The following MGA variants were observed in gnomAD, a reference collection of about 807,000 sequenced individuals.
MGA encodes the protein MAX gene-associated protein.
Under a neutral mutation model 261.1 loss-of-function variants are expected in MGA, and 40 were observed. That is an observed-to-expected ratio of 0.15 (90% CI 0.12 to 0.20). The LOEUF (loss-of-function observed/expected upper bound fraction) is 0.20, where lower values mean the gene tolerates loss of function less well. Ranked by LOEUF, MGA falls within the 10% of genes least tolerant of loss-of-function variation. The pLI is 1.00. For missense variants in MGA, 3,397 were observed against 3,630.5 expected, an observed-to-expected ratio of 0.94 and a Z score of 1.65; for synonymous variants, 1,302 against 1,290.6, an observed-to-expected ratio of 1.01 and a Z score of -0.19.
chr15:41,715,064 C>G, intron 9 of MGA, among the ~76,000 whole-genome samples: 1 of 150,672 alleles, frequency 6.6e-6, no homozygotes, highest in South Asian at 2.1e-4. Flanking sequence ...TTCCCTCCCC[C>G]ACTGCCCACC....
chr15:41,677,001 AT>A (rs1682611320), intron 2 of MGA, among the ~76,000 whole-genome samples: 1 of 152,166 alleles, frequency 6.6e-6, no homozygotes, highest in Non-Finnish European at 1.5e-5. Flanking sequence ...TACGGGGATT[AT>A]GTTCCCTCTT....
At chr15:41,739,126 T>C (rs2061951217) in intron 13 of MGA, among the ~76,000 whole-genome samples, 1 of 151,876 alleles carries the variant, frequency 6.6e-6, no homozygotes. Flanking sequence ...GTTTTCTTTC[T>C]TTAAAAAAAA....
chr15:41,737,364 A>G lies in MGA; in HGVS notation c.4434+666A>G, dbSNP rs933705019. 2.6e-5 allele frequency among the ~76,000 whole-genome samples: 4 copies of G among 151,124 alleles called. No individual in the cohort carries two copies. The East Asian group carries it at 7.8e-4, about 30-fold the overall frequency. On this transcript the variant is annotated intron_variant, in intron 13 of 23. Transcript: ENST00000219905. ...GAGACGGGGTTTCGCCATGTTGTCCAGGCTGGTCTCGAACTTCTGAGCTCA... is the reference window on the plus strand; with the variant it reads ...GAGACGGGGTTTCGCCATGTTGTCCGGGCTGGTCTCGAACTTCTGAGCTCA...
chr15:41,686,270 T>C (rs1354476846), intron 2 of MGA, among the ~76,000 whole-genome samples: 2 of 152,122 alleles, frequency 1.3e-5, no homozygotes, highest in Non-Finnish European at 2.9e-5. Context: ...TCCAGCACTT[T>C]GGGAGGCCGA....
intron 15 of MGA, among the ~76,000 whole-genome samples, chr15:41,745,281 TAAAAA>T (rs71108126): frequency 2.1e-4 from 7 of 33,238 alleles, no homozygotes; most frequent in Admixed American, 1.2e-3. Flanking sequence ...GAATGATCAA[TAAAAA>T]AAAAAAAAAA....
rs551581836 is a variant in MGA at position 41,675,587 on chromosome 15, A to C, written c.1064+5629A>C. Among the ~76,000 whole-genome samples the C allele has an allele frequency of 5.3e-5, 8 of 152,254 alleles. No individual in the cohort carries two copies. In the South Asian group the frequency reaches 1.7e-3, roughly 32 times the overall value. On this transcript the variant is annotated intron_variant, in intron 2 of 23. Transcript: ENST00000219905. ...GAAATGGGATCTTGCTATGTTGGCCAGGCTCGTCTCAAACTCCTGGCTACA... is the reference window on the plus strand; with the variant it reads ...GAAATGGGATCTTGCTATGTTGGCCCGGCTCGTCTCAAACTCCTGGCTACA...
chr15:41,658,747 A>T (rs1326966903), upstream of MGA, among the ~76,000 whole-genome samples: 1 of 149,930 alleles, frequency 6.7e-6, no homozygotes, highest in Non-Finnish European at 1.5e-5. Context: ...GTATTTAGTT[A>T]TATGTTTGCC....
intron 1 of MGA, chr15:41,621,478 A>G (rs1405111731): frequency 6.6e-6 from 1 of 152,180 alleles, no homozygotes; most frequent in Non-Finnish European, 1.5e-5. Context: ...GCTTGCGACC[A>G]GCACGTGACC....
chr15:41,705,924 C>T (rs1192317896), intron 5 of MGA, among the ~76,000 whole-genome samples: 1 of 152,176 alleles, frequency 6.6e-6, no homozygotes, highest in Non-Finnish European at 1.5e-5. Flanking sequence ...TTTAATCATA[C>T]TGTGTGATTA....
At chr15:41,684,341 CAAA>C in intron 2 of MGA, 2 of 442,690 alleles carry the variant, frequency 4.5e-6, no homozygotes, top group Non-Finnish European at 9.0e-6. Context: ...ATAATGCCAA[CAAA>C]AAAAATCCTT....
intron 2 of MGA, among the ~76,000 whole-genome samples, chr15:41,677,184 C>G (rs1324315335): frequency 6.6e-6 from 1 of 152,212 alleles, no homozygotes; most frequent in African/African-American, 2.4e-5. Flanking sequence ...CTGTCGCCCC[C>G]AGGCAGGATT....
In MGA at chr15:41,736,476, C is replaced by T; in HGVS notation, c.4212C>T (p.Asp1404=). 6.2e-7 allele frequency: 1 copy of T among 1,614,000 alleles called. No homozygotes were observed. The highest frequency in any genetic ancestry group is 8.5e-7 in the Non-Finnish European group (1 of 1,179,876). ...AAATCTCTATGCCATCATGTCAAGA[C>T]CAAGATGATATGGCTGAGAAATCTG... Residue 1404 remains aspartate (D), a synonymous_variant, in exon 13 of 24, where the codon GAC becomes GAT. Transcript: ENST00000219905.
intron 11 of MGA, 94 bp downstream of exon 11, chr15:41,729,443 A>G (rs892187573): frequency 8.2e-7 from 1 of 1,212,790 alleles, no homozygotes; most frequent in Non-Finnish European, 1.1e-6. Flanking sequence ...ATTATCCTAC[A>G]GGGCAGAGAA....
At chr15:41,754,687 T>A in intron 18 of MGA, 120 bp downstream of exon 18, 3 of 1,201,728 alleles carry the variant, frequency 2.5e-6, no homozygotes, top group Non-Finnish European at 3.4e-6. Context: ...TAGCTTTTTT[T>A]CTGATTAGTA....
rs34069193 is a variant in MGA at position 41,762,461 on chromosome 15, G to GTTTTTTTTTTTT, written c.7744+118_7744+129dup. 1.0e-3 allele frequency: 143 copies of GTTTTTTTTTTTT among 138,400 alleles called. 15 individuals are homozygous for GTTTTTTTTTTTT. Among genetic ancestry groups the GTTTTTTTTTTTT allele is most frequent in the African/African-American group, 3.0e-3 (47 of 15,428 alleles). 8.6% of individuals were successfully genotyped at this position (138,400 alleles called of 1,614,324 possible). A position where few individuals can be genotyped will look rare whatever the true frequency, so the allele number is the denominator to read the frequency against. On this transcript the variant is annotated intron_variant, in intron 22 of 23. Coordinates refer to ENST00000219905, the MANE Select transcript of MGA (RefSeq NM_001164273.2). ...TTGTCCACATTTTTAGTTTTGTGTG[G>GTTTTTTTTTTTT]TTTTTTTTTTTTTTTTTTTTTTTTT...
chr15:41,638,848 G>A (rs946013016), intron 1 of MGA, among the ~76,000 whole-genome samples: 3 of 151,808 alleles, frequency 2.0e-5, no homozygotes, highest in African/African-American at 4.8e-5. Flanking sequence ...GTGCCACCAT[G>A]CCTGCGCCAC....
intron 18 of MGA, 22 bp downstream of exon 18, chr15:41,754,589 A>G: frequency 1.3e-6 from 2 of 1,533,020 alleles, no homozygotes; most frequent in Non-Finnish European, 1.8e-6. Context: ...TTCTCTTTGG[A>G]TTGTTGTTTT....
At chr15:41,756,529 T>C (rs2063157869) in intron 18 of MGA, among the ~76,000 whole-genome samples, 1 of 152,110 alleles carries the variant, frequency 6.6e-6, no homozygotes, top group Non-Finnish European at 1.5e-5. Flanking sequence ...TTTCCTCTGC[T>C]CCTATGCCCC....
intron 2 of MGA, among the ~76,000 whole-genome samples, chr15:41,672,597 C>T (rs1456558368): frequency 6.6e-6 from 1 of 152,142 alleles, no homozygotes; most frequent in South Asian, 2.1e-4. Context: ...TTGAATCATG[C>T]TCCAAGAAAT....
Sources: gnomAD v4.1 joint callset for allele counts (sites outside exome capture counted in the v4.1 genomes callset) on GRCh38, gnomAD v4.1.1 for gene constraint, MANE v1.5 for transcripts, NCBI Gene and HGNC (gene_info 2026-07-23, HGNC 2026-07-21) for gene names.